The following SLC19A1 variants were observed in gnomAD, a reference collection of about 807,000 sequenced individuals.
SLC19A1 encodes the protein reduced folate transporter.
A neutral mutation model predicts 35.3 loss-of-function variants in SLC19A1; 37 were observed. That is an observed-to-expected ratio of 1.05 (90% CI 0.81 to 1.38). The LOEUF is 1.38. Ranked by LOEUF, SLC19A1 falls within the 40% of genes most tolerant of loss-of-function variation. The pLI is 0.00. For missense variants in SLC19A1, 831 were observed against 826.9 expected (o/e 1.00, Z -0.06); for synonymous variants, 460 against 398.5 (o/e 1.15, Z -1.84).
chr21:45,507,570 C>T (rs564336928), downstream of SLC19A1: 164 of 1,612,976 alleles, frequency 1.0e-4, no homozygotes, highest in Non-Finnish European at 1.3e-4. Context: ...GCTGGAGGCC[C>T]GGACACCACT....
chr21:45,553,019 C>T (rs1435775627), intron 1 of SLC19A1, among the ~76,000 whole-genome samples: 2 of 152,168 alleles, frequency 1.3e-5, no homozygotes, highest in African/African-American at 4.8e-5. Flanking sequence ...GCTCTTCCTC[C>T]TGGCAAATCG....
rs750890521 is a variant in SLC19A1 at position 45,532,104 on chromosome 21, G to A, written c.234C>T (p.Ala78=). ...TGAGCAGGAACACGGGCACCAGCAC[G>A]GCCAGGTAGGAGTACGACAGCACCG... The part of the protein sequence containing the change: ...ITPVLSYSYL[A]VLVPVFLLTD... The change falls in exon 3 of 6, where the codon GCC becomes GCT. Residue 78 remains alanine (A), a synonymous_variant. Transcript: ENST00000311124. 6.2e-6 allele frequency: 10 copies of A among 1,611,296 alleles called. No homozygotes were observed. The highest frequency in any genetic ancestry group is 2.2e-5 in the East Asian group (1 of 44,856).
chr21:45,552,576 G>A (rs1001227162), intron 1 of SLC19A1, among the ~76,000 whole-genome samples: 1 of 152,212 alleles, frequency 6.6e-6, no homozygotes, highest in Non-Finnish European at 1.5e-5. Flanking sequence ...GGATTAGCGC[G>A]TGCTATAATC....
chr21:45,515,426 C>CA lies in SLC19A1; in HGVS notation c.*231dup. The stretch of plus-strand genomic sequence containing the variant: ...GAAGCCCACCACCCACCTCTTCCAG[C>CA]AACAAAGCCCGCGGGGCACAGTGCA... On this transcript the variant is annotated 3_prime_UTR_variant, in exon 6 of 6. Transcript: ENST00000311124. 1.1e-5 allele frequency: 15 copies of CA among 1,395,248 alleles called. No homozygotes were observed. Among genetic ancestry groups the CA allele is most frequent in the Non-Finnish European group, 1.4e-5 (15 of 1,090,534 alleles). The allele number at this position is 1,395,248 out of a possible 1,614,324, so 86.4% of individuals were successfully genotyped here. A position where few individuals can be genotyped will look rare whatever the true frequency, so the allele number is the denominator to read the frequency against.
In SLC19A1 at chr21:45,515,533, A is replaced by G. The variant is rs2037865474; in HGVS notation, c.*125T>C. ...CAGAGTGCGGCACAGGGCAGGGGGA[A>G]TCCTAGGGGGCCTGCTAGCAGGATA... is the stretch of plus-strand genomic sequence containing the variant. On this transcript the variant is annotated 3_prime_UTR_variant, in exon 6 of 6. Transcript: ENST00000311124. 1.3e-6 allele frequency: 2 copies of G among 1,533,032 alleles called. No individual in the cohort carries two copies. The highest frequency in any genetic ancestry group is 2.1e-5 in the Admixed American group (1 of 47,680). 95.0% of individuals were successfully genotyped at this position (1,533,032 alleles called of 1,614,324 possible).
At position 45,513,858 on chromosome 21, in the gene SLC19A1, T is replaced by A. The variant is rs538509010; in HGVS notation, c.*1800A>T. On this transcript the variant is annotated 3_prime_UTR_variant, in exon 6 of 6. Coordinates refer to ENST00000311124, the MANE Select transcript of SLC19A1 (RefSeq NM_194255.4). ...CAGGCACGCACGGTTACATGGGGTA[T>A]GCATGCATGGCCATACACAGGCGTG... The A allele has an allele frequency of 6.6e-6, 1 of 152,376 alleles. No individual in the cohort carries two copies. The highest frequency in any genetic ancestry group is 6.5e-5 in the Admixed American group (1 of 15,310). The allele number at this position is 152,376 out of a possible 1,614,324, so 9.4% of individuals were successfully genotyped here. A position where few individuals can be genotyped will look rare whatever the true frequency, so the allele number is the denominator to read the frequency against.
At chr21:45,505,278 A>T in intron 3 of SLC19A1, 3 of 1,607,146 alleles carry the variant, frequency 1.9e-6, no homozygotes, top group South Asian at 1.1e-5. Context: ...TCACAGGCAG[A>T]GTAAGTCAGT....
At chr21:45,510,943 A>ACC, downstream of SLC19A1, among the ~76,000 whole-genome samples, 3 of 26,040 alleles carry the variant, frequency 1.2e-4, no homozygotes, top group Non-Finnish European at 1.9e-4. Flanking sequence ...AAAAAAACAC[A>ACC]CACCCACAAC....
chr21:45,534,784 C>A lies in SLC19A1; in HGVS notation c.190-2636G>T. ...AGAGCTGTGACCTGCGTCCCACTTA[C>A]AAGGCTGCTGGGGGAGGGGCCCTCA... On this transcript the variant is annotated intron_variant, in intron 2 of 5. Transcript: ENST00000311124. This position sits in a 1 kb window ranked among gnomAD's most constrained non-coding sequence, Gnocchi z 4.2. 1 of 594,294 alleles carries A rather than the reference C, an allele frequency of 1.7e-6. No homozygotes were observed. The highest frequency in any genetic ancestry group is 2.0e-5 in the South Asian group (1 of 49,786). The allele number at this position is 594,294 out of a possible 1,614,324, so 36.8% of individuals were successfully genotyped here.
intron 1 of SLC19A1, among the ~76,000 whole-genome samples, chr21:45,556,092 AG>A (rs1489887190): frequency 6.6e-6 from 1 of 152,146 alleles, no homozygotes; most frequent in East Asian, 1.9e-4. Context: ...AGGTGGAAAG[AG>A]GGGCCTGAGC....
intron 1 of SLC19A1, among the ~76,000 whole-genome samples, chr21:45,557,374 G>A (rs148255575): frequency 2.0e-5 from 3 of 152,276 alleles, no homozygotes; most frequent in East Asian, 1.9e-4. Flanking sequence ...GAGGCTTCTC[G>A]TCTGCTCTGG....
intron 5 of SLC19A1, among the ~76,000 whole-genome samples, chr21:45,522,258 A>G (rs1019956418): frequency 1.3e-5 from 2 of 152,078 alleles, no homozygotes; most frequent in Non-Finnish European, 2.9e-5. Context: ...AAACAATATT[A>G]TGCCCCAGGG....
intron 5 of SLC19A1, among the ~76,000 whole-genome samples, chr21:45,519,426 C>T (rs1393923139): frequency 1.3e-5 from 2 of 151,990 alleles, no homozygotes; most frequent in African/African-American, 2.4e-5. Flanking sequence ...GACTCAACTA[C>T]GTGCTGTCTA....
downstream of SLC19A1, chr21:45,509,659 G>T (rs1297850080): frequency 5.3e-6 from 5 of 938,310 alleles, no homozygotes; most frequent in Non-Finnish European, 8.3e-6. Flanking sequence ...CTCGGCAGCA[G>T]AAGAGGGCCC....
At chr21:45,541,154 C>T (rs1448365734) in intron 1 of SLC19A1, among the ~76,000 whole-genome samples, 7 of 152,246 alleles carry the variant, frequency 4.6e-5, no homozygotes, top group African/African-American at 1.7e-4. Flanking sequence ...AGCACTCTTT[C>T]TCATCTGTGT....
At position 45,531,589 on chromosome 21, in the gene SLC19A1, A is replaced by G. The variant is rs2077907956; in HGVS notation, c.749T>C (p.Val250Ala). ...CAGCTCCCGCAGCATCCGCGCCAGC[A>G]CTGAGTCCCCACAGGCCACCCGCAG... ...HALRVACGDS[V>A]LARMLRELGD... The change falls in exon 3 of 6, where the codon GTG becomes GCG. Residue 250 changes from valine (V) to alanine (A), a missense_variant. Val to Ala is a moderately conservative substitution (Grantham distance 64). Transcript: ENST00000311124. 1 of 1,612,374 alleles carries G rather than the reference A, an allele frequency of 6.2e-7. No homozygotes were observed. Among genetic ancestry groups the G allele is most frequent in the Non-Finnish European group, 8.5e-7 (1 of 1,179,722 alleles).
intron 1 of SLC19A1, among the ~76,000 whole-genome samples, chr21:45,557,582 G>A (rs1436402569): frequency 2.0e-5 from 3 of 152,186 alleles, no homozygotes; most frequent in African/African-American, 7.2e-5. Context: ...GAGGGCTGGG[G>A]GTTTGTGCAG....
At chr21:45,553,451 A>AT (rs919121180) in intron 1 of SLC19A1, among the ~76,000 whole-genome samples, 24 of 151,502 alleles carry the variant, frequency 1.6e-4, no homozygotes, top group Non-Finnish European at 2.4e-4. Context: ...ATTATTTTGT[A>AT]TTTTTTTTGT....
chr21:45,512,382 T>C, downstream of SLC19A1: 1 of 1,612,598 alleles, frequency 6.2e-7, no homozygotes, highest in South Asian at 1.1e-5. Context: ...AACAGCTTCA[T>C]GACTGCCTCC....
Sources: allele counts gnomAD v4.1 joint callset (sites outside exome capture counted in the v4.1 genomes callset), GRCh38; gene constraint gnomAD v4.1.1; non-coding constraint Gnocchi (gnomAD v3.1); transcripts MANE v1.5; gene names NCBI Gene and HGNC (gene_info 2026-07-23, HGNC 2026-07-21).